The following SPMAP2L variants were observed in gnomAD, a reference collection of about 807,000 sequenced individuals.
SPMAP2L encodes the protein sperm microtubule associated protein 2 like.
chr4:56,596,430 T>G, the SPMAP2L span: 4 of 1,404,042 alleles, frequency 2.8e-6, 1 homozygote, highest in Non-Finnish European at 3.7e-6. Flanking sequence ...CAAATCATAC[T>G]TTGTAATCTT....
At chr4:56,594,090 A>G in the SPMAP2L span, 394 of 1,608,832 alleles carry the variant, frequency 2.4e-4, 3 homozygotes, top group African/African-American at 4.6e-3. Context: ...ACAGTCAATG[A>G]AAAAGATCTG....
the SPMAP2L span, chr4:56,593,188 C>G: frequency 6.6e-7 from 1 of 1,503,926 alleles, no homozygotes; most frequent in Admixed American, 1.7e-5. Context: ...AGAGTTTACT[C>G]AACTACCAGA....
the SPMAP2L span, among the ~76,000 whole-genome samples, chr4:56,623,697 G>A: frequency 2.0e-5 from 3 of 152,012 alleles, no homozygotes; most frequent in Admixed American, 2.0e-4. Context: ...GGTTTATTGG[G>A]GGTCTCCACT....
the SPMAP2L span, among the ~76,000 whole-genome samples, chr4:56,614,681 T>C: frequency 1.3e-5 from 2 of 152,022 alleles, no homozygotes; most frequent in South Asian, 4.1e-4. Context: ...TGATCTTGCC[T>C]CCAGCATGCT....
the SPMAP2L span, among the ~76,000 whole-genome samples, chr4:56,613,332 T>A: frequency 1.3e-5 from 2 of 152,272 alleles, no homozygotes; most frequent in African/African-American, 4.8e-5. Flanking sequence ...CTGCTAGGAC[T>A]TCCAGGATGC....
chr4:56,534,387 A>C, the SPMAP2L span, among the ~76,000 whole-genome samples: 8 of 152,114 alleles, frequency 5.3e-5, no homozygotes, highest in Non-Finnish European at 8.8e-5. Context: ...ATTGTTCTTT[A>C]GTCAGTTTCC....
chr4:56,548,659 T>C, the SPMAP2L span: 1 of 489,028 alleles, frequency 2.0e-6, no homozygotes, highest in Non-Finnish European at 3.4e-6. Context: ...CATACTATGA[T>C]ATATTTCAGT....
chr4:56,609,983 T>G, the SPMAP2L span, among the ~76,000 whole-genome samples: 1 of 152,184 alleles, frequency 6.6e-6, no homozygotes, highest in Non-Finnish European at 1.5e-5. Context: ...CATCCCATGC[T>G]TATGGATGGG....
the SPMAP2L span, among the ~76,000 whole-genome samples, chr4:56,622,264 A>G: frequency 6.6e-6 from 1 of 152,260 alleles, no homozygotes; most frequent in Non-Finnish European, 1.5e-5. Context: ...AAATCAGGTT[A>G]AAACATGCTT....
chr4:56,596,438 C>T, the SPMAP2L span: 3 of 1,418,608 alleles, frequency 2.1e-6, no homozygotes, highest in Non-Finnish European at 2.7e-6. Context: ...ACTTTGTAAT[C>T]TTGAACTAAA....
the SPMAP2L span, chr4:56,575,721 T>A: frequency 7.2e-7 from 1 of 1,397,594 alleles, no homozygotes; most frequent in Non-Finnish European, 9.6e-7. Context: ...AATTTTAGTG[T>A]GTGCAATTTC....
the SPMAP2L span, among the ~76,000 whole-genome samples, chr4:56,554,912 C>A: frequency 1.3e-5 from 2 of 149,388 alleles, no homozygotes; most frequent in Non-Finnish European, 3.0e-5. Flanking sequence ...TGTTCCAGTA[C>A]CATTTGTTGA....
At chr4:56,616,050 A>C in the SPMAP2L span, among the ~76,000 whole-genome samples, 1 of 152,128 alleles carries the variant, frequency 6.6e-6, no homozygotes, top group Non-Finnish European at 1.5e-5. Context: ...ATTTCTAAGG[A>C]GCTCCCAGGT....
At chr4:56,545,366 G>A in the SPMAP2L span, among the ~76,000 whole-genome samples, 1 of 152,072 alleles carries the variant, frequency 6.6e-6, no homozygotes, top group Non-Finnish European at 1.5e-5. Context: ...TAGAAATGAA[G>A]GGAGGGTAGA....
the SPMAP2L span, among the ~76,000 whole-genome samples, chr4:56,597,005 T>G: frequency 6.6e-6 from 1 of 152,160 alleles, no homozygotes; most frequent in Admixed American, 6.5e-5. Flanking sequence ...AACAATAAAT[T>G]AGTCAATAGA....
the SPMAP2L span, among the ~76,000 whole-genome samples, chr4:56,572,779 G>A: frequency 7.8e-4 from 118 of 152,104 alleles, no homozygotes; most frequent in Admixed American, 7.7e-3. Context: ...ACTTTGGGAG[G>A]CCAAGGCAGG....
At chr4:56,603,285 C>G in the SPMAP2L span, 1 of 1,534,634 alleles carries the variant, frequency 6.5e-7, no homozygotes, top group Non-Finnish European at 8.7e-7. Flanking sequence ...ACAGTGTTCT[C>G]AAAGGATCTG....
the SPMAP2L span, among the ~76,000 whole-genome samples, chr4:56,553,482 C>T: frequency 1.4e-5 from 2 of 146,758 alleles, no homozygotes; most frequent in African/African-American, 5.0e-5. Flanking sequence ...CGTGAGCCAC[C>T]ATGCCTGTCC....
chr4:56,539,137 C>A, the SPMAP2L span, among the ~76,000 whole-genome samples: 3 of 152,128 alleles, frequency 2.0e-5, no homozygotes, highest in African/African-American at 7.2e-5. Context: ...TTTATAGAGT[C>A]GGTTCTATTA....
Sources: allele counts gnomAD v4.1 joint callset (sites outside exome capture counted in the v4.1 genomes callset), GRCh38; gene constraint gnomAD v4.1.1; transcripts MANE v1.5; gene names NCBI Gene and HGNC (gene_info 2026-07-23, HGNC 2026-07-21).